The following DIAPH2 variants were observed in gnomAD, a reference collection of about 807,000 sequenced individuals.
The protein encoded by DIAPH2 is protein diaphanous homolog 2.
In DIAPH2, 35 loss-of-function variants were observed where a neutral mutation model predicts 92.7. The ratio of observed to expected loss-of-function variants is 0.38; its 90% CI spans 0.29 to 0.50. DIAPH2 has a LOEUF of 0.50. Among genes scored for constraint, DIAPH2 ranks in the 20% least tolerant of loss-of-function variants. The probability of loss-of-function intolerance (pLI) is 0.94; values close to 1 mark genes in which losing one functional copy is unlikely to be tolerated. For missense variants in DIAPH2, 701 were observed against 819.5 expected (o/e 0.86, Z 1.77); for synonymous variants, 301 against 280.4 (o/e 1.07, Z -0.73).
intron 23 of DIAPH2, among the ~76,000 whole-genome samples, chrX:97,323,447 C>T (rs1358723150): frequency 3.9e-5 from 4 of 103,795 alleles, no homozygotes; most frequent in African/African-American, 6.9e-5. Flanking sequence ...AAAAATTAGC[C>T]GGGCGTGGTG....
chrX:97,264,063 A>G (rs1351083348), intron 23 of DIAPH2, among the ~76,000 whole-genome samples: 1 of 108,655 alleles, frequency 9.2e-6, no homozygotes, highest in Non-Finnish European at 1.9e-5. Flanking sequence ...CTGGGACTAC[A>G]GGCACATTGC....
chrX:97,286,261 C>T (rs935927728), intron 23 of DIAPH2, among the ~76,000 whole-genome samples: 1 of 107,130 alleles, frequency 9.3e-6, no homozygotes, highest in Admixed American at 1.0e-4. Flanking sequence ...ATGTTGGCCA[C>T]GCTGGTCTCA....
intron 26 of DIAPH2, among the ~76,000 whole-genome samples, chrX:97,540,249 A>G (rs1026233411): frequency 6.3e-5 from 7 of 111,426 alleles, no homozygotes; most frequent in African/African-American, 2.3e-4. Context: ...AATTTTTTAC[A>G]TTTTTTTAAG....
At position 96,932,570 on chromosome X, in the gene DIAPH2, G is replaced by A. The variant is rs148818553; in HGVS notation, c.1089+1727G>A. Reference sequence around the variant, plus strand: ...GCTACACTTTTCCATTGGCCATATAGCCCTATATAAAACTTTTTGTGGTAC... The same window carrying A: ...GCTACACTTTTCCATTGGCCATATAACCCTATATAAAACTTTTTGTGGTAC... On this transcript the variant is annotated intron_variant, in intron 10 of 26. Coordinates refer to ENST00000324765, the MANE Select transcript of DIAPH2 (RefSeq NM_006729.5). Among the ~76,000 whole-genome samples, 765 of 110,237 alleles carry A rather than the reference G, an allele frequency of 6.9e-3. 9 individuals are homozygous for A. The highest frequency in any genetic ancestry group is 0.024 in the African/African-American group (738 of 30,433).
chrX:96,955,993 A>T lies in DIAPH2; in HGVS notation c.1615-1835A>T, dbSNP rs747388908. Among the ~76,000 whole-genome samples the T allele has an allele frequency of 9.9e-5, 11 of 111,649 alleles. No homozygotes were observed. In the East Asian group the frequency reaches 2.6e-3, roughly 26 times the overall value. ...TCCACTAGGCAATGCCCCAGTGGGG[A>T]CTCTGTGTGGGGGCTCCAACCCCAC... On this transcript the variant is annotated intron_variant, in intron 15 of 26. Coordinates refer to ENST00000324765, the MANE Select transcript of DIAPH2 (RefSeq NM_006729.5).
intron 26 of DIAPH2, among the ~76,000 whole-genome samples, chrX:97,509,758 G>A (rs1324421207): frequency 3.7e-5 from 4 of 107,790 alleles, no homozygotes; most frequent in Non-Finnish European, 5.7e-5. Context: ...AACATGTGGT[G>A]TTTGGTTTTT....
At chrX:97,439,628 T>C (rs2070232449) in intron 26 of DIAPH2, among the ~76,000 whole-genome samples, 1 of 107,810 alleles carries the variant, frequency 9.3e-6, no homozygotes, top group South Asian at 4.1e-4. Context: ...ACACCTGTAG[T>C]CCGAGCTACT....
intron 23 of DIAPH2, among the ~76,000 whole-genome samples, chrX:97,316,297 C>G (rs2068838829): frequency 9.0e-6 from 1 of 110,714 alleles, no homozygotes; most frequent in Non-Finnish European, 1.9e-5. Context: ...CTCCTCTGTT[C>G]TTTCTCTTCT....
At chrX:97,000,133 A>T (rs1438393411) in intron 17 of DIAPH2, among the ~76,000 whole-genome samples, 2 of 112,316 alleles carry the variant, frequency 1.8e-5, no homozygotes, top group African/African-American at 6.5e-5. Context: ...CTGTTATGAA[A>T]CTATGTATTT....
intron 25 of DIAPH2, among the ~76,000 whole-genome samples, chrX:97,424,747 T>G (rs1253203817): frequency 9.0e-6 from 1 of 111,190 alleles, no homozygotes; most frequent in Non-Finnish European, 1.9e-5. Flanking sequence ...CCTGAGTAGC[T>G]GAGACTATAC....
chrX:96,941,881 A>G (rs1494130), intron 12 of DIAPH2, 137 bp from the exon 13 acceptor site: 229,860 of 441,948 alleles, frequency 0.52, 42,319 homozygotes, highest in South Asian at 0.62. Flanking sequence ...TTGTCCTAAG[A>G]AAGTGTAGTG....
intron 4 of DIAPH2, among the ~76,000 whole-genome samples, chrX:96,788,938 T>C (rs896565994): frequency 8.9e-6 from 1 of 112,501 alleles, no homozygotes; most frequent in African/African-American, 3.2e-5. Flanking sequence ...TCTTTCACAC[T>C]CAACACAGTG....
intron 22 of DIAPH2, among the ~76,000 whole-genome samples, chrX:97,159,433 C>A (rs1415980609): frequency 8.9e-6 from 1 of 111,875 alleles, no homozygotes; most frequent in Non-Finnish European, 1.9e-5. Flanking sequence ...AACTTTTTTT[C>A]AATCTAATTA....
In DIAPH2 at chrX:96,867,574, T is replaced by G. The variant is rs899190474; in HGVS notation, c.448-14005T>G. The stretch of plus-strand genomic sequence containing the variant: ...TTGGGGTAAGCAGTATTTCGTGATA[T>G]TCACTGTATACCATTTTAGAACTGA... On this transcript the variant is annotated intron_variant, in intron 4 of 26. Coordinates refer to ENST00000324765, the MANE Select transcript of DIAPH2 (RefSeq NM_006729.5). Among the ~76,000 whole-genome samples, 5 of 111,311 alleles carry G rather than the reference T, an allele frequency of 4.5e-5. No homozygotes were observed. In the Admixed American group the frequency reaches 4.8e-4, roughly 11 times the overall value.
intron 9 of DIAPH2, among the ~76,000 whole-genome samples, chrX:96,930,161 C>G (rs5967379): frequency 0.41 from 44,477 of 109,223 alleles, 7,119 homozygotes; most frequent in South Asian, 0.53. Context: ...AATTCACTTC[C>G]ATTATTTTTT....
At position 97,051,586 on chromosome X, in the gene DIAPH2, C is replaced by T. The variant is rs186747899; in HGVS notation, c.2051-21355C>T. 2.0e-4 allele frequency among the ~76,000 whole-genome samples: 21 copies of T among 107,647 alleles called. 1 individual carries two copies. Among genetic ancestry groups the T allele is most frequent in the Non-Finnish European group, 7.7e-5 (4 of 51,911 alleles). The allele number at this position is 107,647 out of a possible 115,157, so 93.5% of individuals were successfully genotyped here. On this transcript the variant is annotated intron_variant, in intron 17 of 26. Transcript: ENST00000324765. ...AGCTCAGAGGATATATTTACTATAG[C>T]CTTTAATAATTAGATGGCTATTCCT...
At chrX:97,102,262 T>G (rs766986147) in intron 20 of DIAPH2, among the ~76,000 whole-genome samples, 16 of 111,677 alleles carry the variant, frequency 1.4e-4, no homozygotes, top group African/African-American at 5.2e-4. Flanking sequence ...CGTCCTTTCA[T>G]TTTTCCATAG....
chrX:97,005,908 CTTTTTT>C (rs58056111), intron 17 of DIAPH2, among the ~76,000 whole-genome samples: 1 of 68,163 alleles, frequency 1.5e-5, no homozygotes, highest in African/African-American at 5.9e-5. Flanking sequence ...TGAAGTTTTT[CTTTTTT>C]TTTTTTTTTT....
chrX:97,364,386 T>C (rs1472689816), intron 24 of DIAPH2, among the ~76,000 whole-genome samples: 4 of 112,143 alleles, frequency 3.6e-5, no homozygotes, highest in Non-Finnish European at 5.6e-5. Context: ...AGGAGTTTCA[T>C]TGGCAGAGAT....
Sources: allele counts gnomAD v4.1 joint callset (sites outside exome capture counted in the v4.1 genomes callset), GRCh38; gene constraint gnomAD v4.1.1; transcripts MANE v1.5; gene names NCBI Gene and HGNC (gene_info 2026-07-23, HGNC 2026-07-21).